The following TNFSF15 variants were observed in gnomAD, a reference collection of about 807,000 sequenced individuals.
TNFSF15 encodes the protein tumor necrosis factor ligand superfamily member 15.
Under a neutral mutation model 26.4 loss-of-function variants are expected in TNFSF15, and 15 were observed. That is an observed-to-expected ratio of 0.57 (90% CI 0.38 to 0.87). The LOEUF (loss-of-function observed/expected upper bound fraction) is 0.87, where lower values mean the gene tolerates loss of function less well. Among genes scored for constraint, TNFSF15 ranks in the 40% least tolerant of loss-of-function variants. The pLI is 0.00. For synonymous variants in TNFSF15, 116 were observed against 115.0 expected (o/e 1.01, Z -0.06); for missense variants, 290 against 306.1 (o/e 0.95, Z 0.39).
At chr9:114,804,856 C>G (rs959374043) in intron 1 of TNFSF15, among the ~76,000 whole-genome samples, 3 of 152,140 alleles carry the variant, frequency 2.0e-5, no homozygotes, top group African/African-American at 7.2e-5. Context: ...TGCTTAGAGG[C>G]TAGGTTTCCA....
chr9:114,793,502 G>T, intron 2 of TNFSF15, 24 bp downstream of exon 2: 1 of 1,613,056 alleles, frequency 6.2e-7, no homozygotes, highest in Non-Finnish European at 8.5e-7. Context: ...CACGAGGAAA[G>T]GCGTTGAAGA....
chr9:114,790,683 G>A lies in TNFSF15; in HGVS notation c.525C>T (p.Asp175=). 2 of 1,614,102 alleles carry A rather than the reference G, an allele frequency of 1.2e-6. No homozygotes were observed. Among genetic ancestry groups the A allele is most frequent in the Non-Finnish European group, 1.7e-6 (2 of 1,180,024 alleles). Residue 175 remains aspartate (D), a synonymous_variant, in exon 4 of 4, where the codon GAC becomes GAT. Transcript: ENST00000374045. Reference sequence around the variant, plus strand: ...CCTTGGTGATGACCACAGTGATGGAGTCTGGCTTGTTTGGTCGGCCTGCTT... The same window carrying A: ...CCTTGGTGATGACCACAGTGATGGAATCTGGCTTGTTTGGTCGGCCTGCTT... ...IRQAGRPNKP[D]SITVVITKVT...
intron 1 of TNFSF15, 33 bp from the exon 2 acceptor site, chr9:114,793,601 T>A: frequency 1.2e-6 from 2 of 1,609,678 alleles, no homozygotes; most frequent in Non-Finnish European, 1.7e-6. Context: ...TTAGACCAAC[T>A]GTGGTCCTTT....
At chr9:114,796,640 A>G (rs1829676399) in intron 1 of TNFSF15, among the ~76,000 whole-genome samples, 1 of 152,228 alleles carries the variant, frequency 6.6e-6, no homozygotes, top group Non-Finnish European at 1.5e-5. Flanking sequence ...CCAGGTGATA[A>G]AAGAGGTAAT....
rs1159566976 is a variant in TNFSF15, at chr9:114,791,105, T to C, written c.302-199A>G. Reference sequence around the variant, plus strand: ...CAAAGAGAATAACATCTTGGACTAGTGACCTGGGGCAAATTACTTTGCCTT... The same window carrying C: ...CAAAGAGAATAACATCTTGGACTAGCGACCTGGGGCAAATTACTTTGCCTT... On this transcript the variant is annotated intron_variant, in intron 3 of 3. Transcript: ENST00000374045. 6.3e-6 allele frequency: 4 copies of C among 631,764 alleles called. No individual in the cohort carries two copies. In the African/African-American group the frequency reaches 7.4e-5, roughly 12 times the overall value. 39.1% of individuals were successfully genotyped at this position (631,764 alleles called of 1,614,324 possible).
At chr9:114,800,826 G>A (rs998638279) in intron 1 of TNFSF15, among the ~76,000 whole-genome samples, 1 of 152,212 alleles carries the variant, frequency 6.6e-6, no homozygotes, top group Non-Finnish European at 1.5e-5. Context: ...AGAGGTCGCA[G>A]CTGTGATGCG....
chr9:114,802,067 TG>T (rs1253324084), intron 1 of TNFSF15, among the ~76,000 whole-genome samples: 1 of 152,230 alleles, frequency 6.6e-6, no homozygotes, highest in Non-Finnish European at 1.5e-5. Flanking sequence ...TTAACTTGTG[TG>T]CAATGGGTTG....
chr9:114,792,062 C>G (rs979983177), intron 3 of TNFSF15: 1 of 244,394 alleles, frequency 4.1e-6, no homozygotes, highest in Non-Finnish European at 8.5e-6. Context: ...GGAACCCCCC[C>G]ACAGGGAAGA....
intron 1 of TNFSF15, among the ~76,000 whole-genome samples, chr9:114,802,178 C>T (rs1289215183): frequency 6.6e-6 from 1 of 152,170 alleles, no homozygotes; most frequent in African/African-American, 2.4e-5. Context: ...GCTTATTCAA[C>T]AATAAAACTG....
chr9:114,790,979 C>A, intron 3 of TNFSF15, 73 bp from the exon 4 acceptor site: 1 of 1,470,380 alleles, frequency 6.8e-7, no homozygotes, highest in South Asian at 1.2e-5. Context: ...TGTCTCATAT[C>A]ATTTTCAAAA....
rs1410375588 is a variant in TNFSF15 at position 114,790,439 on chromosome 9, A to G, written c.*13T>C. ...TGGCAGAGGACTTTCATATAATGAT[A>G]TTTGCTCTCCTCCTATAGTAAGAAG... On this transcript the variant is annotated 3_prime_UTR_variant, in exon 4 of 4. Coordinates refer to ENST00000374045, the MANE Select transcript of TNFSF15 (RefSeq NM_005118.4). 1 of 1,561,542 alleles carries G rather than the reference A, an allele frequency of 6.4e-7. No individual in the cohort carries two copies. The highest frequency in any genetic ancestry group is 8.7e-7 in the Non-Finnish European group (1 of 1,154,126).
At chr9:114,799,360 A>G (rs1369547576) in intron 1 of TNFSF15, among the ~76,000 whole-genome samples, 1 of 152,184 alleles carries the variant, frequency 6.6e-6, no homozygotes, top group African/African-American at 2.4e-5. Flanking sequence ...TTTGGGCTCA[A>G]TATATGATTG....
intron 1 of TNFSF15, among the ~76,000 whole-genome samples, chr9:114,798,240 CA>C (rs576271739): frequency 1.3e-3 from 198 of 152,266 alleles, no homozygotes; most frequent in African/African-American, 4.6e-3. Context: ...CATAAGCATG[CA>C]TCTTAGAGGG....
rs377746581 is a variant in TNFSF15, at chr9:114,788,281, G to C, written c.*2171C>G. On this transcript the variant is annotated 3_prime_UTR_variant, in exon 4 of 4. Coordinates refer to ENST00000374045, the MANE Select transcript of TNFSF15 (RefSeq NM_005118.4). ...CTTTCCCTGTGGTCATCTGGGGCCC[G>C]CCCAGTTTCTTCCAGGCTTCACTTC... The C allele has an allele frequency of 3.3e-5, 5 of 153,778 alleles. No individual in the cohort carries two copies. In the South Asian group the frequency reaches 1.0e-3, roughly 32 times the overall value. The allele number at this position is 153,778 out of a possible 1,614,324, so 9.5% of individuals were successfully genotyped here.
chr9:114,805,669 C>T, intron 1 of TNFSF15, 134 bp downstream of exon 1: 1 of 868,520 alleles, frequency 1.2e-6, no homozygotes, highest in Non-Finnish European at 1.7e-6. Context: ...TCCCACTCTA[C>T]ATTTCCTCTG....
In TNFSF15 at chr9:114,805,837, A is replaced by C. The variant is rs745637627; in HGVS notation, c.176T>G (p.Leu59Arg). 6.2e-7 allele frequency: 1 copy of C among 1,613,682 alleles called. No individual in the cohort carries two copies. The highest frequency in any genetic ancestry group is 1.1e-5 in the South Asian group (1 of 91,060). Residue 59 changes from leucine (L) to arginine (R), a missense_variant, in exon 1 of 4, where the codon CTC becomes CGC. Transcript: ENST00000374045. ...CACACAGGCCTCTCCCTGGGCCCGG[A>C]GCTGGCTGACAAGCAGGTATGTGGT... is the stretch of plus-strand genomic sequence containing the variant. ...GLTTYLLVSQLRAQGEACVQF... is the reference protein window; with the variant it reads ...GLTTYLLVSQRRAQGEACVQF...
intron 1 of TNFSF15, among the ~76,000 whole-genome samples, chr9:114,797,296 T>C (rs1025592194): frequency 2.0e-5 from 3 of 152,226 alleles, no homozygotes; most frequent in African/African-American, 7.2e-5. Context: ...TTTATTTTCA[T>C]ATATGGATGG....
Position 114,790,344 on chromosome 9 carries a change from C to G in TNFSF15, c.*108G>C. The G allele has an allele frequency of 8.9e-7, 1 of 1,125,434 alleles. No homozygotes were observed. Among genetic ancestry groups the G allele is most frequent in the Non-Finnish European group, 1.3e-6 (1 of 789,036 alleles). 69.7% of individuals were successfully genotyped at this position (1,125,434 alleles called of 1,614,324 possible). A position where few individuals can be genotyped will look rare whatever the true frequency, so the allele number is the denominator to read the frequency against. On this transcript the variant is annotated 3_prime_UTR_variant, in exon 4 of 4. Transcript: ENST00000374045. The stretch of plus-strand genomic sequence containing the variant: ...GCTAAACCGTTGTCCCTGTGGAATG[C>G]CCCCTACTCCCGGCCCCAAGAAAAC...
At chr9:114,797,834 T>C (rs1685242446) in intron 1 of TNFSF15, among the ~76,000 whole-genome samples, 1 of 152,212 alleles carries the variant, frequency 6.6e-6, no homozygotes, top group Non-Finnish European at 1.5e-5. Context: ...TCGAATTTTA[T>C]TATTTATTTG....
Sources: allele counts gnomAD v4.1 joint callset (sites outside exome capture counted in the v4.1 genomes callset), GRCh38; gene constraint gnomAD v4.1.1; transcripts MANE v1.5; gene names NCBI Gene and HGNC (gene_info 2026-07-23, HGNC 2026-07-21).